LOXL2: variants seen among roughly 807,000 people sequenced by gnomAD.
LOXL2 encodes the protein lysyl oxidase like 2.
LOXL2 carries 70 observed loss-of-function variants against 93.0 expected under a neutral mutation model. That is an observed-to-expected ratio of 0.75 (90% CI 0.62 to 0.92). The LOEUF is 0.92. LOXL2 is among the 40% of genes least tolerant of loss of function. LOXL2 has a pLI of 0.00. For missense variants in LOXL2, 973 were observed against 1,054.9 expected, an observed-to-expected ratio of 0.92 and a Z score of 1.08; for synonymous variants, 438 against 413.2, an observed-to-expected ratio of 1.06 and a Z score of -0.73.
At chr8:23,370,880 A>C (rs1804482843) in intron 1 of LOXL2, 1 of 152,296 alleles carries the variant, frequency 6.6e-6, no homozygotes, top group Non-Finnish European at 1.5e-5. Context: ...TGGAATCCCA[A>C]AGAAGAGGAG....
chr8:23,396,449 C>T (rs1236419981), intron 1 of LOXL2, among the ~76,000 whole-genome samples: 1 of 152,132 alleles, frequency 6.6e-6, no homozygotes, highest in African/African-American at 2.4e-5. Flanking sequence ...TAGACTTGTG[C>T]TCCAGCAGAA....
At chr8:23,300,663 G>T (rs1459428403) in intron 12 of LOXL2, among the ~76,000 whole-genome samples, 4 of 152,212 alleles carry the variant, frequency 2.6e-5, no homozygotes, top group Admixed American at 2.6e-4. Context: ...TAGGGGTTGA[G>T]AAAACAAAAT....
At chr8:23,328,718 T>TGG in intron 5 of LOXL2, 153 bp from the exon 6 acceptor site, 1 of 613,444 alleles carries the variant, frequency 1.6e-6, no homozygotes, top group East Asian at 2.9e-5. Context: ...GATGTGTGTG[T>TGG]GTGTGTGTGT....
chr8:23,394,293 T>G (rs908393687), intron 1 of LOXL2, among the ~76,000 whole-genome samples: 21 of 149,824 alleles, frequency 1.4e-4, no homozygotes, highest in African/African-American at 4.9e-4. Context: ...CTCGGGAGGC[T>G]GAGGCAGGAG....
At position 23,297,933 on chromosome 8, in the gene LOXL2, G is replaced by A; in HGVS notation, c.*110C>T. The A allele has an allele frequency of 1.2e-6, 1 of 838,604 alleles. No homozygotes were observed. The highest frequency in any genetic ancestry group is 2.0e-6 in the Non-Finnish European group (1 of 508,148). The allele number at this position is 838,604 out of a possible 1,614,324, so 51.9% of individuals were successfully genotyped here. On this transcript the variant is annotated 3_prime_UTR_variant, in exon 14 of 14. Coordinates refer to ENST00000389131, the MANE Select transcript of LOXL2 (RefSeq NM_002318.3). ...GCTGTAGGGGTCTGGACAGGGTGGGGGCCGGGCTGGGTGAGGGCACGTGGC... is the reference window on the plus strand; with the variant it reads ...GCTGTAGGGGTCTGGACAGGGTGGGAGCCGGGCTGGGTGAGGGCACGTGGC...
rs766506637 is a variant in LOXL2, at chr8:23,309,726, G to C, written c.1822C>G (p.Gln608Glu). ...RFSSQIHNNGQSDFRPKNGRH... is the reference protein window; with the variant it reads ...RFSSQIHNNGESDFRPKNGRH... ...CCGTTCTTGGGCCGGAAGTCGGACT[G>C]GCCATTGTTGTGGATCTGGGAGGAG... Residue 608 changes from glutamine to glutamate, a missense_variant, in exon 10 of 14, where the codon CAG becomes GAG. Physicochemically the swap from Gln to Glu is conservative, Grantham distance 29 (BLOSUM62 2). Coordinates refer to ENST00000389131, the MANE Select transcript of LOXL2 (RefSeq NM_002318.3). The C allele has an allele frequency of 6.3e-7, 1 of 1,590,194 alleles. No homozygotes were observed. Among genetic ancestry groups the C allele is most frequent in the East Asian group, 2.3e-5 (1 of 42,788 alleles).
intron 4 of LOXL2, among the ~76,000 whole-genome samples, chr8:23,339,565 C>T (rs1364915442): frequency 2.0e-5 from 3 of 152,328 alleles, no homozygotes; most frequent in East Asian, 1.9e-4. Context: ...CTGAACAAGG[C>T]GCGTGCTGTC....
intron 1 of LOXL2, chr8:23,386,177 A>G: frequency 1.6e-6 from 1 of 626,890 alleles, no homozygotes; most frequent in Non-Finnish European, 2.9e-6. Context: ...CTAATTGTTG[A>G]GGTCAGGAGT....
At chr8:23,323,489 T>C (rs1803530156) in intron 6 of LOXL2, among the ~76,000 whole-genome samples, 1 of 152,184 alleles carries the variant, frequency 6.6e-6, no homozygotes, top group Non-Finnish European at 1.5e-5. Context: ...TCCTCCATGG[T>C]GCAGCTTGAA....
chr8:23,375,419 G>A (rs1804571689), intron 1 of LOXL2, among the ~76,000 whole-genome samples: 1 of 152,054 alleles, frequency 6.6e-6, no homozygotes, highest in Non-Finnish European at 1.5e-5. Context: ...GGATTGACTT[G>A]GCAATGCAGG....
intron 1 of LOXL2, among the ~76,000 whole-genome samples, chr8:23,392,398 C>T (rs2117236980): frequency 6.6e-6 from 1 of 152,328 alleles, no homozygotes. Flanking sequence ...GACCATTCAT[C>T]AAGGTAATGT....
intron 12 of LOXL2, 57 bp from the exon 13 acceptor site, chr8:23,299,004 A>C (rs1803084065): frequency 1.9e-6 from 2 of 1,033,502 alleles, no homozygotes; most frequent in African/African-American, 1.6e-5. Flanking sequence ...ACCTCCACCC[A>C]GGCCTGGGGC....
At chr8:23,346,202 A>AAATAT (rs1803981690) in intron 3 of LOXL2, among the ~76,000 whole-genome samples, 1 of 77,354 alleles carries the variant, frequency 1.3e-5, no homozygotes, top group Non-Finnish European at 2.3e-5. Context: ...AAATAAAATA[A>AAATAT]AATAAATAAA....
intron 1 of LOXL2, among the ~76,000 whole-genome samples, chr8:23,374,331 T>A (rs1804549996): frequency 2.6e-5 from 4 of 152,322 alleles, no homozygotes; most frequent in Non-Finnish European, 4.4e-5. Context: ...TGCCACATTT[T>A]CTTAATCCAG....
chr8:23,304,389 C>G (rs768020367), intron 10 of LOXL2, among the ~76,000 whole-genome samples: 23 of 152,178 alleles, frequency 1.5e-4, no homozygotes, highest in Non-Finnish European at 3.2e-4. Context: ...CTGCCCAGGC[C>G]CGGGGCTGAA....
chr8:23,391,777 T>C (rs897224172), intron 1 of LOXL2, among the ~76,000 whole-genome samples: 19 of 152,102 alleles, frequency 1.2e-4, no homozygotes, highest in Middle Eastern at 3.4e-3. Context: ...AGTGCTGAGA[T>C]TTGGCCTAGG....
rs764321154 is a variant in LOXL2, at chr8:23,303,367, G to A, written c.1911C>T (p.His637=). Residue 637 remains histidine, a synonymous_variant, in exon 11 of 14, where the codon CAC becomes CAT. Transcript: ENST00000389131. ...RHYHSMEVFT[H]YDLLNLNGTK... is the part of the protein sequence containing the mutation. ...TGCCATTGAGGTTCAGCAGGTCATA[G>A]TGGGTGAACACCTCCATGCTGTGGT... 1.2e-6 allele frequency: 2 copies of A among 1,612,610 alleles called. No individual in the cohort carries two copies. Among genetic ancestry groups the A allele is most frequent in the African/African-American group, 2.7e-5 (2 of 74,858 alleles).
intron 2 of LOXL2, among the ~76,000 whole-genome samples, 153 bp downstream of exon 2, chr8:23,367,844 G>A (rs1313290850): frequency 1.3e-5 from 2 of 152,242 alleles, no homozygotes; most frequent in Non-Finnish European, 2.9e-5. Context: ...TGCAGCCTGA[G>A]TGGGCACAGA....
chr8:23,389,225 G>C (rs545121659), intron 1 of LOXL2, among the ~76,000 whole-genome samples: 1 of 152,172 alleles, frequency 6.6e-6, no homozygotes, highest in African/African-American at 2.4e-5. Flanking sequence ...CTTTTCTTAG[G>C]CTACTACCTT....
Sources: allele counts gnomAD v4.1 joint callset (sites outside exome capture counted in the v4.1 genomes callset), GRCh38; gene constraint gnomAD v4.1.1; transcripts MANE v1.5; gene names NCBI Gene and HGNC (gene_info 2026-07-23, HGNC 2026-07-21).